ADGB: variants seen among roughly 807,000 people sequenced by gnomAD.
ADGB encodes the protein calpain-7-like protein.
In ADGB, 172 loss-of-function variants were observed where a neutral mutation model predicts 210.5. The observed-to-expected ratio is 0.82, with a 90% CI of 0.72 to 0.93. ADGB has a LOEUF of 0.93. ADGB is among the 40% of genes least tolerant of loss of function. The pLI is 0.00. For missense variants in ADGB, 2,025 were observed against 1,964.8 expected, an observed-to-expected ratio of 1.03 and a Z score of -0.58; for synonymous variants, 658 against 662.7, an observed-to-expected ratio of 0.99 and a Z score of 0.11.
chr6:146,760,177 A>T (rs1430128734), intron 27 of ADGB, among the ~76,000 whole-genome samples: 1 of 151,856 alleles, frequency 6.6e-6, no homozygotes, highest in Non-Finnish European at 1.5e-5. Context: ...TTTGATAAGT[A>T]CATACTTTAG....
intron 33 of ADGB, among the ~76,000 whole-genome samples, chr6:146,794,365 G>T (rs1778006063): frequency 1.3e-5 from 2 of 152,130 alleles, no homozygotes; most frequent in African/African-American, 2.4e-5. Context: ...GGTGTTGGGA[G>T]CAAACTGAGT....
chr6:146,745,781 C>T (rs886143527), intron 25 of ADGB, 141 bp from the exon 26 acceptor site: 2 of 568,186 alleles, frequency 3.5e-6, no homozygotes, highest in African/African-American at 3.8e-5. Flanking sequence ...AAACATAATC[C>T]TAGTGATTCT....
At chr6:146,659,691 T>A (rs1458098569) in intron 5 of ADGB, among the ~76,000 whole-genome samples, 1 of 152,170 alleles carries the variant, frequency 6.6e-6, no homozygotes, top group Non-Finnish European at 1.5e-5. Context: ...ATTTATTGAG[T>A]AGCATTAAGA....
In ADGB at chr6:146,666,963, A is replaced by G; in HGVS notation, c.839+61A>G. 2.3e-6 allele frequency: 3 copies of G among 1,326,290 alleles called. No individual in the cohort carries two copies. In the South Asian group the frequency reaches 4.1e-5, roughly 18 times the overall value. The allele number at this position is 1,326,290 out of a possible 1,614,324, so 82.2% of individuals were successfully genotyped here. A position where few individuals can be genotyped will look rare whatever the true frequency, so the allele number is the denominator to read the frequency against. The stretch of plus-strand genomic sequence containing the variant: ...TTTTATCTTCCCAAGATTTCTTTAA[A>G]ATATTCCTAGCCTTTAAGAAAATTT... On this transcript the variant is annotated intron_variant, in intron 7 of 35. Coordinates refer to ENST00000397944, the MANE Select transcript of ADGB (RefSeq NM_024694.4).
chr6:146,646,709 G>T (rs1403177373), intron 3 of ADGB, among the ~76,000 whole-genome samples: 1 of 152,086 alleles, frequency 6.6e-6, no homozygotes, highest in Non-Finnish European at 1.5e-5. Flanking sequence ...ATAAGTTTCA[G>T]CAACAAATCA....
chr6:146,746,087 A>C lies in ADGB; in HGVS notation c.3343A>C (p.Asn1115His). The C allele has an allele frequency of 1.3e-6, 2 of 1,542,040 alleles. No individual in the cohort carries two copies. The highest frequency in any genetic ancestry group is 1.8e-6 in the Non-Finnish European group (2 of 1,141,800). The change falls in exon 26 of 36, where the codon AAT becomes CAT. Residue 1115 changes from asparagine to histidine, a missense_variant. Asn to His is a moderately conservative substitution (Grantham distance 68, BLOSUM62 1). Transcript: ENST00000397944. ...IKEIRDYYIP[N>H]DKKILFRYSV... is the part of the protein sequence containing the mutation. Reference sequence around the variant, plus strand: ...GGAAATCCGAGATTACTACATACCCAATGATAAGAAAATTTTATTCAGGTA... The same window carrying C: ...GGAAATCCGAGATTACTACATACCCCATGATAAGAAAATTTTATTCAGGTA...
intron 33 of ADGB, 70 bp downstream of exon 33, chr6:146,788,680 T>TAA: frequency 7.3e-7 from 1 of 1,371,322 alleles, no homozygotes; most frequent in Non-Finnish European, 1.0e-6. Flanking sequence ...GATTTTAACT[T>TAA]AAACATCAGT....
Position 146,700,844 on chromosome 6 carries a change from CAG to C in ADGB, c.1578-95_1578-94del. 4 of 1,348,448 alleles carry C rather than the reference CAG, an allele frequency of 3.0e-6. No individual in the cohort carries two copies. In the South Asian group the frequency reaches 6.1e-5, roughly 20 times the overall value. The allele number at this position is 1,348,448 out of a possible 1,614,324, so 83.5% of individuals were successfully genotyped here. A position where few individuals can be genotyped will look rare whatever the true frequency, so the allele number is the denominator to read the frequency against. On this transcript the variant is annotated intron_variant, in intron 12 of 35. Coordinates refer to ENST00000397944, the MANE Select transcript of ADGB (RefSeq NM_024694.4). ...ATGAGAATGACAAATAGAACACAAT[CAG>C]AACTTTCTATTGTTGACAAAAATGC...
In ADGB at chr6:146,676,416, GTAC is replaced by G. The variant is rs887641215; in HGVS notation, c.1193_1195del (p.Tyr398del). The stretch of plus-strand genomic sequence containing the variant: ...GTTCAAGACCCTCATCAGAAGTGCA[GTAC>G]TCTGTGCAGTCCCTATCAGATTGTA... On this transcript the variant is annotated inframe_deletion, in exon 9 of 36. Transcript: ENST00000397944. 1.3e-6 allele frequency: 2 copies of G among 1,542,378 alleles called. No individual in the cohort carries two copies. Among genetic ancestry groups the G allele is most frequent in the African/African-American group, 2.7e-5 (2 of 72,810 alleles).
At chr6:146,750,447 A>G (rs553261927) in intron 26 of ADGB, among the ~76,000 whole-genome samples, 21 of 152,134 alleles carry the variant, frequency 1.4e-4, no homozygotes, top group Non-Finnish European at 2.5e-4. Context: ...AGTCCCAGCT[A>G]TATTGGAGTC....
intron 1 of ADGB, among the ~76,000 whole-genome samples, chr6:146,625,646 C>T (rs1780961196): frequency 6.6e-6 from 1 of 152,006 alleles, no homozygotes; most frequent in East Asian, 1.9e-4. Flanking sequence ...CCCTCTTTCT[C>T]ACTCCCTCTC....
Position 146,599,020 on chromosome 6 carries a change from C to A in ADGB, c.-21C>A. 6.5e-7 allele frequency: 1 copy of A among 1,549,308 alleles called. No individual in the cohort carries two copies. The highest frequency in any genetic ancestry group is 8.7e-7 in the Non-Finnish European group (1 of 1,144,828). On this transcript the variant is annotated 5_prime_UTR_variant, in exon 1 of 36. Coordinates refer to ENST00000397944, the MANE Select transcript of ADGB (RefSeq NM_024694.4). ...CAGGCTCTTTGCTCAGAGCTCAGCC[C>A]TACATAGATCGGCTTCTGCCATGGC...
At position 146,655,441 on chromosome 6, in the gene ADGB, G is replaced by C. The variant is rs79004660; in HGVS notation, c.402+1235G>C. The stretch of plus-strand genomic sequence containing the variant: ...CCTACTCCCCACCTCCCTGCCCCAT[G>C]TTGGGTTGGGATTTATCCATCACAA... On this transcript the variant is annotated intron_variant, in intron 4 of 35. Coordinates refer to ENST00000397944, the MANE Select transcript of ADGB (RefSeq NM_024694.4). 3.9e-3 allele frequency among the ~76,000 whole-genome samples: 591 copies of C among 152,216 alleles called. 3 individuals carry two copies. Among genetic ancestry groups the C allele is most frequent in the African/African-American group, 0.014 (571 of 41,520 alleles).
Position 146,733,225 on chromosome 6 carries a change from C to T in ADGB, c.2626C>T (p.Leu876Phe), listed in dbSNP as rs766170871. The part of the protein sequence containing the change: ...FRAMVLDLEL[L>F]NSSLEEVSLV... ...GGCTATGGTTTTGGACTTGGAGTTA[C>T]TCAATTCCTCCTTGGAAGAGGTTTC... is the stretch of plus-strand genomic sequence containing the variant. The change falls in exon 21 of 36, where the codon CTC becomes TTC. Residue 876 changes from leucine to phenylalanine, a missense_variant. Transcript: ENST00000397944. 1.1e-4 allele frequency: 171 copies of T among 1,537,774 alleles called. No homozygotes were observed. The highest frequency in any genetic ancestry group is 1.5e-4 in the Non-Finnish European group (166 of 1,139,872).
chr6:146,711,184 TATG>T (rs1208279621), intron 13 of ADGB, among the ~76,000 whole-genome samples: 3 of 152,208 alleles, frequency 2.0e-5, no homozygotes, highest in African/African-American at 4.8e-5. Context: ...CTGAAGCAAA[TATG>T]ATAACATTTC....
intron 10 of ADGB, 78 bp downstream of exon 10, chr6:146,685,906 G>A: frequency 1.3e-6 from 1 of 784,046 alleles, no homozygotes. Flanking sequence ...TACTTGCTGT[G>A]GTAGAAGGCA....
At chr6:146,637,296 C>G (rs1260659023) in intron 2 of ADGB, among the ~76,000 whole-genome samples, 1 of 151,928 alleles carries the variant, frequency 6.6e-6, no homozygotes, top group African/African-American at 2.4e-5. Context: ...GCTGGAGAGA[C>G]AGAGGATATT....
intron 9 of ADGB, among the ~76,000 whole-genome samples, chr6:146,679,495 C>T (rs935772495): frequency 6.6e-6 from 1 of 152,196 alleles, no homozygotes; most frequent in African/African-American, 2.4e-5. Flanking sequence ...TAGCAGGGGA[C>T]ACACTGTAGT....
intron 2 of ADGB, among the ~76,000 whole-genome samples, chr6:146,636,701 C>T (rs1364306222): frequency 6.6e-6 from 1 of 151,854 alleles, no homozygotes. Context: ...GTCACAATCT[C>T]ATCCATAACT....
Sources: gnomAD v4.1 joint callset for allele counts (sites outside exome capture counted in the v4.1 genomes callset) on GRCh38, gnomAD v4.1.1 for gene constraint, MANE v1.5 for transcripts, NCBI Gene and HGNC (gene_info 2026-07-23, HGNC 2026-07-21) for gene names.